OPCML: variants seen among roughly 807,000 people sequenced by gnomAD.
OPCML encodes the protein opioid-binding protein/cell adhesion molecule.
Under a neutral mutation model 37.8 loss-of-function variants are expected in OPCML, and 13 were observed. The ratio of observed to expected loss-of-function variants is 0.34; its 90% CI spans 0.22 to 0.55. OPCML has a LOEUF of 0.55. Among genes scored for constraint, OPCML ranks in the 20% least tolerant of loss-of-function variants. The pLI, the probability that OPCML is intolerant of heterozygous loss-of-function variation, is 0.91. For missense variants in OPCML, 341 were observed against 435.6 expected (o/e 0.78, Z 1.93); for synonymous variants, 176 against 168.8 (o/e 1.04, Z -0.33).
At chr11:133,257,061 A>C (rs1941333536) in intron 1 of OPCML, among the ~76,000 whole-genome samples, 1 of 152,212 alleles carries the variant, frequency 6.6e-6, no homozygotes, top group Admixed American at 6.5e-5. Context: ...CCAACAATTT[A>C]ATTGTCTTGC....
chr11:132,468,208 G>A (rs957010702), intron 4 of OPCML, among the ~76,000 whole-genome samples: 4 of 152,122 alleles, frequency 2.6e-5, no homozygotes, highest in African/African-American at 9.7e-5. Flanking sequence ...TGAATGGCCA[G>A]TGCTTTCCTA....
intron 1 of OPCML, among the ~76,000 whole-genome samples, chr11:133,197,243 C>T (rs978414835): frequency 1.3e-5 from 2 of 152,190 alleles, no homozygotes; most frequent in African/African-American, 4.8e-5. Flanking sequence ...TCCTTGGAAT[C>T]TCATTCTATG....
chr11:132,596,158 G>T (rs1416255932), intron 3 of OPCML, among the ~76,000 whole-genome samples: 3 of 152,078 alleles, frequency 2.0e-5, no homozygotes, highest in African/African-American at 7.2e-5. Flanking sequence ...GACTGAATGA[G>T]AAAATAAAGC....
At chr11:132,695,880 G>A (rs1565782556) in intron 2 of OPCML, among the ~76,000 whole-genome samples, 2 of 152,158 alleles carry the variant, frequency 1.3e-5, no homozygotes, top group Admixed American at 6.5e-5. Context: ...GAGTGCTCTA[G>A]CACAAGTGTG....
intron 4 of OPCML, among the ~76,000 whole-genome samples, chr11:132,445,512 G>A (rs1389022509): frequency 6.7e-6 from 1 of 149,996 alleles, no homozygotes; most frequent in Non-Finnish European, 1.5e-5. Context: ...AAGAAGGGAT[G>A]GCAAGGAAAC....
chr11:132,459,018 A>G (rs190675450), intron 4 of OPCML, among the ~76,000 whole-genome samples: 2 of 152,346 alleles, frequency 1.3e-5, no homozygotes, highest in East Asian at 3.9e-4. Context: ...ATGTCAATGA[A>G]TGTTTTGTAC....
At chr11:133,442,435 C>T (rs1946382339) in intron 1 of OPCML, among the ~76,000 whole-genome samples, 1 of 151,996 alleles carries the variant, frequency 6.6e-6, no homozygotes. Context: ...ATTCCACTTC[C>T]AGGAAAATAA....
Position 133,176,436 on chromosome 11 carries a change from T to C in OPCML, c.62-233426A>G, listed in dbSNP as rs369918346. Among the ~76,000 whole-genome samples the C allele has an allele frequency of 1.1e-4, 16 of 152,082 alleles. No individual in the cohort carries two copies. The East Asian group carries it at 2.3e-3, about 22-fold the overall frequency. ...TTGGATATTTGTCCCCCAAATCTTA[T>C]GTTGAAATGTAATTCCCAATGTTGG... On this transcript the variant is annotated intron_variant, in intron 1 of 7. Transcript: ENST00000524381.
At chr11:133,250,799 G>C (rs1941106858) in intron 1 of OPCML, among the ~76,000 whole-genome samples, 1 of 152,096 alleles carries the variant, frequency 6.6e-6, no homozygotes, top group Non-Finnish European at 1.5e-5. Context: ...TAAGAGCAAA[G>C]AAAGAACTGT....
At chr11:133,349,330 G>A (rs1044537879) in intron 1 of OPCML, among the ~76,000 whole-genome samples, 32 of 152,176 alleles carry the variant, frequency 2.1e-4, no homozygotes, top group Non-Finnish European at 2.1e-4. Context: ...TGAGGGAGAT[G>A]TTTAACTTTT....
chr11:132,447,164 G>T (rs59475078), intron 4 of OPCML, among the ~76,000 whole-genome samples: 1 of 152,154 alleles, frequency 6.6e-6, no homozygotes, highest in Non-Finnish European at 1.5e-5. Context: ...TGCCAACTGC[G>T]TCTGACTTGT....
chr11:132,506,426 T>C (rs1311026886), intron 4 of OPCML, among the ~76,000 whole-genome samples: 3 of 152,170 alleles, frequency 2.0e-5, no homozygotes, highest in African/African-American at 7.2e-5. Flanking sequence ...AAAAGCTAAC[T>C]AGTGTCACCT....
chr11:132,433,073 G>A (rs896216847), intron 7 of OPCML, among the ~76,000 whole-genome samples: 3 of 152,172 alleles, frequency 2.0e-5, no homozygotes, highest in Admixed American at 6.5e-5. Flanking sequence ...TGCCAACAGG[G>A]TGAAGTGAGA....
chr11:132,613,431 G>A (rs1490880494), intron 3 of OPCML, among the ~76,000 whole-genome samples: 1 of 152,166 alleles, frequency 6.6e-6, no homozygotes, highest in African/African-American at 2.4e-5. Flanking sequence ...CTCAAAACAT[G>A]CATACGGAAC....
At chr11:133,176,337 C>CTTTTT (rs3049633) in intron 1 of OPCML, among the ~76,000 whole-genome samples, 4 of 140,032 alleles carry the variant, frequency 2.9e-5, no homozygotes, top group African/African-American at 2.6e-5. Context: ...CTTCATTTTC[C>CTTTTT]TTTTTTTTTT....
At chr11:133,103,298 A>G (rs1293610373) in intron 1 of OPCML, among the ~76,000 whole-genome samples, 3 of 152,192 alleles carry the variant, frequency 2.0e-5, no homozygotes, top group Admixed American at 6.5e-5. Flanking sequence ...TCTTCTTTTT[A>G]TAGGAAGAAA....
chr11:133,478,587 C>T (rs1947296934), intron 1 of OPCML, among the ~76,000 whole-genome samples: 1 of 152,168 alleles, frequency 6.6e-6, no homozygotes, highest in Non-Finnish European at 1.5e-5. Context: ...TTCTTTCAAG[C>T]CATCTTTCTT....
intron 1 of OPCML, among the ~76,000 whole-genome samples, chr11:133,142,158 A>G (rs998529951): frequency 3.3e-5 from 5 of 152,210 alleles, no homozygotes; most frequent in African/African-American, 1.2e-4. Context: ...TCAATCCACC[A>G]TGTCTTCTAC....
intron 1 of OPCML, among the ~76,000 whole-genome samples, chr11:133,124,175 A>G (rs1415262632): frequency 1.6e-4 from 2 of 12,424 alleles, no homozygotes; most frequent in Admixed American, 5.8e-4. Flanking sequence ...GAAATTTAGA[A>G]AAAAAAAAAG....
Sources: allele counts gnomAD v4.1 joint callset (sites outside exome capture counted in the v4.1 genomes callset), GRCh38; gene constraint gnomAD v4.1.1; transcripts MANE v1.5; gene names NCBI Gene and HGNC (gene_info 2026-07-23, HGNC 2026-07-21).